The following LRIG1 variants were observed in gnomAD, a reference collection of about 807,000 sequenced individuals.
LRIG1 encodes leucine-rich repeats and immunoglobulin-like domains protein 1.
A neutral mutation model predicts 99.2 loss-of-function variants in LRIG1; 48 were observed. The ratio of observed to expected loss-of-function variants is 0.48; its 90% CI spans 0.38 to 0.62. LRIG1 has a LOEUF of 0.62. LRIG1 is among the 20% of genes least tolerant of loss of function. The pLI is 0.00. For synonymous variants in LRIG1, 772 were observed against 596.1 expected (o/e 1.29, Z -4.30); for missense variants, 1,646 against 1,434.4 (o/e 1.15, Z -2.38).
chr3:66,474,219 CTAT>C (rs1700665720), intron 1 of LRIG1, among the ~76,000 whole-genome samples: 1 of 152,154 alleles, frequency 6.6e-6, no homozygotes, highest in Non-Finnish European at 1.5e-5. Context: ...TAAAATTTTA[CTAT>C]GTCAAATGGA....
intron 1 of LRIG1, among the ~76,000 whole-genome samples, chr3:66,495,506 C>T (rs1701206076): frequency 6.6e-6 from 1 of 152,188 alleles, no homozygotes; most frequent in Admixed American, 6.5e-5. Flanking sequence ...ACTTAAAGTC[C>T]TTCTACCTAT....
intron 9 of LRIG1, among the ~76,000 whole-genome samples, chr3:66,399,919 C>A (rs1701995024): frequency 6.6e-6 from 1 of 152,218 alleles, no homozygotes; most frequent in Non-Finnish European, 1.5e-5. Flanking sequence ...GATGTCCTGG[C>A]AGCCAGCACA....
At chr3:66,392,739 G>A (rs1356452556) in intron 12 of LRIG1, among the ~76,000 whole-genome samples, 2 of 152,210 alleles carry the variant, frequency 1.3e-5, no homozygotes, top group Non-Finnish European at 2.9e-5. Flanking sequence ...CTCACCCAGA[G>A]GGAAAGCCTG....
intron 12 of LRIG1, among the ~76,000 whole-genome samples, chr3:66,389,633 G>A (rs1701536609): frequency 6.6e-6 from 1 of 152,108 alleles, no homozygotes; most frequent in Admixed American, 6.5e-5. Flanking sequence ...ACGTAAAAAT[G>A]ATAAATACAT....
intron 1 of LRIG1, among the ~76,000 whole-genome samples, chr3:66,481,616 A>G (rs1700854293): frequency 6.6e-6 from 1 of 152,244 alleles, no homozygotes; most frequent in Non-Finnish European, 1.5e-5. Context: ...GCAAAGGAGC[A>G]AAATTAAAAT....
intron 3 of LRIG1, among the ~76,000 whole-genome samples, chr3:66,432,552 G>C (rs58246502): frequency 0.017 from 2,530 of 152,274 alleles, 79 homozygotes; most frequent in African/African-American, 0.058. Flanking sequence ...GACAACCCCA[G>C]AGGCGGCCAC....
chr3:66,473,081 C>T (rs1700640922), intron 1 of LRIG1, among the ~76,000 whole-genome samples: 1 of 152,060 alleles, frequency 6.6e-6, no homozygotes, highest in Non-Finnish European at 1.5e-5. Flanking sequence ...CTGAGAAGGG[C>T]AATTTTAGGC....
intron 13 of LRIG1, among the ~76,000 whole-genome samples, chr3:66,384,654 G>A (rs2107933061): frequency 6.6e-6 from 1 of 152,064 alleles, no homozygotes. Flanking sequence ...GAGGGAAGGT[G>A]GGCATGCCTC....
At position 66,417,395 on chromosome 3, in the gene LRIG1, C is replaced by T. The variant is rs1702648217; in HGVS notation, c.366-129G>A. The T allele has an allele frequency of 3.1e-5, 30 of 960,968 alleles. No individual in the cohort carries two copies. In the South Asian group the frequency reaches 4.5e-4, roughly 14 times the overall value. 59.5% of individuals were successfully genotyped at this position (960,968 alleles called of 1,614,324 possible). A position where few individuals can be genotyped will look rare whatever the true frequency, so the allele number is the denominator to read the frequency against. ...AGTGACGCTCTTAAAAATGAGATCT[C>T]CTGTTTCTTTTCCCATCAAGTTATT... On this transcript the variant is annotated intron_variant, in intron 3 of 18. Transcript: ENST00000273261.
At chr3:66,439,775 T>C (rs1448120698) in intron 3 of LRIG1, among the ~76,000 whole-genome samples, 1 of 152,096 alleles carries the variant, frequency 6.6e-6, no homozygotes, top group Non-Finnish European at 1.5e-5. Flanking sequence ...AAGGGGCAAA[T>C]CCACAGTTGA....
At chr3:66,444,719 C>T (rs908216802) in intron 3 of LRIG1, among the ~76,000 whole-genome samples, 2 of 152,158 alleles carry the variant, frequency 1.3e-5, no homozygotes, top group Non-Finnish European at 2.9e-5. Flanking sequence ...GGTGGTCTAC[C>T]AGTGAGCAGA....
intron 6 of LRIG1, among the ~76,000 whole-genome samples, chr3:66,412,461 A>T (rs1702497322): frequency 6.6e-6 from 1 of 152,218 alleles, no homozygotes; most frequent in African/African-American, 2.4e-5. Flanking sequence ...ATCTGACTCA[A>T]TCCGCTGAAA....
Position 66,399,051 on chromosome 3 carries a change from C to G in LRIG1, c.1161-10G>C. 5.0e-6 allele frequency: 8 copies of G among 1,611,416 alleles called. No individual in the cohort carries two copies. Among genetic ancestry groups the G allele is most frequent in the Non-Finnish European group, 5.9e-6 (7 of 1,177,710 alleles). ...GTTTCCAAACAGAGTCCTGTAGTTT[C>G]CAAACATCCAGAAATTAAGGCCAGG... On this transcript the variant is annotated splice_polypyrimidine_tract_variant and intron_variant, in intron 9 of 18. Transcript: ENST00000273261.
intron 1 of LRIG1, among the ~76,000 whole-genome samples, chr3:66,469,907 C>CA (rs55768550): frequency 0.79 from 91,154 of 115,704 alleles, 38,137 homozygotes; most frequent in Non-Finnish European, 0.93. Context: ...CTGTCCCTAC[C>CA]AAAAAAAAAA....
At chr3:66,448,484 G>C (rs1035736985) in intron 3 of LRIG1, among the ~76,000 whole-genome samples, 1 of 152,212 alleles carries the variant, frequency 6.6e-6, no homozygotes, top group Non-Finnish European at 1.5e-5. Flanking sequence ...TATGTCTTTT[G>C]TGACATTATT....
intron 9 of LRIG1, among the ~76,000 whole-genome samples, chr3:66,402,214 G>A (rs1702084747): frequency 6.6e-6 from 1 of 152,106 alleles, no homozygotes; most frequent in Admixed American, 6.5e-5. Flanking sequence ...TGTAATTTGG[G>A]ATCCAGAAAT....
chr3:66,416,513 T>C (rs969164314), intron 4 of LRIG1, among the ~76,000 whole-genome samples: 2 of 152,154 alleles, frequency 1.3e-5, no homozygotes, highest in African/African-American at 4.8e-5. Flanking sequence ...TACCAACAAG[T>C]AGTTGATTAA....
At chr3:66,419,087 G>A (rs558288634) in intron 3 of LRIG1, among the ~76,000 whole-genome samples, 186 of 152,316 alleles carry the variant, frequency 1.2e-3, no homozygotes, top group African/African-American at 3.4e-3. Context: ...AGTCTTATCC[G>A]GGAACTGTGA....
At chr3:66,428,086 C>G (rs963436648) in intron 3 of LRIG1, among the ~76,000 whole-genome samples, 3 of 152,202 alleles carry the variant, frequency 2.0e-5, no homozygotes, top group Non-Finnish European at 4.4e-5. Flanking sequence ...AAAATCACAG[C>G]TATGAACACG....
Sources: allele counts gnomAD v4.1 joint callset (sites outside exome capture counted in the v4.1 genomes callset), GRCh38; gene constraint gnomAD v4.1.1; transcripts MANE v1.5; gene names NCBI Gene and HGNC (gene_info 2026-07-23, HGNC 2026-07-21).